Variants in ST3GAL4 observed in about 807,000 individuals in gnomAD.
The protein encoded by ST3GAL4 is ST3 beta-galactoside alpha-2,3-sialyltransferase 4, also known as CMP-N-acetylneuraminate-beta-galactosamide-alpha-2,3-sialyltransferase 4.
A neutral mutation model predicts 42.6 loss-of-function variants in ST3GAL4; 24 were observed. The observed-to-expected ratio is 0.56, with a 90% confidence interval of 0.41 to 0.79. ST3GAL4 has a LOEUF of 0.79. Among genes scored for constraint, ST3GAL4 ranks in the 30% least tolerant of loss-of-function variants. ST3GAL4 has a pLI of 0.00. For synonymous variants in ST3GAL4, 135 were observed against 163.2 expected, an observed-to-expected ratio of 0.83 and a Z score of 1.32; for missense variants, 311 against 430.8, an observed-to-expected ratio of 0.72 and a Z score of 2.46.
At chr11:126,390,786 C>G (rs1339210997) in intron 1 of ST3GAL4, among the ~76,000 whole-genome samples, 4 of 152,062 alleles carry the variant, frequency 2.6e-5, no homozygotes, top group Admixed American at 6.6e-5. Context: ...ATCCATCTCC[C>G]GAACTCTCTT....
chr11:126,388,839 C>T (rs1027631379), intron 1 of ST3GAL4, among the ~76,000 whole-genome samples: 6 of 133,362 alleles, frequency 4.5e-5, no homozygotes, highest in Middle Eastern at 4.7e-3. Context: ...TGCAATGACA[C>T]GATCTTGGCT....
At chr11:126,364,133 G>A (rs4055110) in intron 1 of ST3GAL4, among the ~76,000 whole-genome samples, 17 of 152,244 alleles carry the variant, frequency 1.1e-4, no homozygotes, top group African/African-American at 3.6e-4. Flanking sequence ...AAGGCAGAGG[G>A]AATGGGGAAC....
intron 1 of ST3GAL4, among the ~76,000 whole-genome samples, chr11:126,388,459 T>C (rs1953320095): frequency 6.6e-6 from 1 of 151,808 alleles, no homozygotes; most frequent in Admixed American, 6.6e-5. Context: ...GCCTCCTAAG[T>C]AGCTGGGATT....
chr11:126,401,679 G>A (rs530594069), intron 1 of ST3GAL4, among the ~76,000 whole-genome samples: 36 of 152,276 alleles, frequency 2.4e-4, no homozygotes, highest in African/African-American at 7.9e-4. Context: ...CAAGGAGGAG[G>A]CATGGCCAAC....
rs1194858613 is a variant in ST3GAL4 at position 126,413,655 on chromosome 11, G to T, written c.915+7G>T. On this transcript the variant is annotated splice_region_variant and intron_variant, in intron 10 of 10. Transcript: ENST00000444328. ...CACGCTCAAGTCCATGGCGGTAAGT[G>T]CCTGGCTTGTGAGCATGGTGGGCCA... The T allele has an allele frequency of 1.9e-6, 3 of 1,613,822 alleles. No individual in the cohort carries two copies. In the South Asian group the frequency reaches 3.3e-5, roughly 18 times the overall value.
chr11:126,389,517 T>C (rs1953385854), intron 1 of ST3GAL4, among the ~76,000 whole-genome samples: 1 of 152,228 alleles, frequency 6.6e-6, no homozygotes, highest in African/African-American at 2.4e-5. Flanking sequence ...TAATGTTGTT[T>C]TTGGACGCAT....
rs1953951033 is a variant in ST3GAL4, at chr11:126,400,408, A to G, written c.-60-5688A>G. 6.6e-6 allele frequency among the ~76,000 whole-genome samples: 1 copy of G among 152,220 alleles called. No individual in the cohort carries two copies. The highest frequency in any genetic ancestry group is 1.5e-5 in the Non-Finnish European group (1 of 68,044). ...CCCTGCTTATACTGTTGCACTGGGG[A>G]TCAAGTTGCAGCACTTGGACTTCGG... On this transcript the variant is annotated intron_variant, in intron 1 of 10. Transcript: ENST00000444328. The surrounding 1 kb of genome is among the most constrained non-coding windows in gnomAD (Gnocchi z 4.6).
In ST3GAL4 at chr11:126,363,686, A is replaced by C. The variant is rs928516799; in HGVS notation, c.-61+7844A>C. On this transcript the variant is annotated intron_variant, in intron 1 of 10. Coordinates refer to ENST00000444328, the MANE Select transcript of ST3GAL4 (RefSeq NM_001254757.2). The surrounding 1 kb of genome is among the most constrained non-coding windows in gnomAD (Gnocchi z 4.6). ...TCTTTCTGGGGCCTCAGGGTCTCCA[A>C]AGATGGGCTGACTAAGCTTCCCTAG... Among the ~76,000 whole-genome samples, 2 of 152,156 alleles carry C rather than the reference A, an allele frequency of 1.3e-5. No individual in the cohort carries two copies. Among genetic ancestry groups the C allele is most frequent in the Non-Finnish European group, 2.9e-5 (2 of 68,032 alleles).
At chr11:126,388,431 A>C (rs1406582346) in intron 1 of ST3GAL4, among the ~76,000 whole-genome samples, 1 of 151,770 alleles carries the variant, frequency 6.6e-6, no homozygotes, top group East Asian at 1.9e-4. Flanking sequence ...CCTGGGTTCA[A>C]GCGATTCTTC....
Position 126,384,888 on chromosome 11 carries a change from A to T in ST3GAL4, c.-60-21208A>T, listed in dbSNP as rs1953161206. ...GTAGTGGTGGGGGCAGTGGCTGAGG[A>T]CCCCTCTCTTTGCTGGGCTGGGACA... On this transcript the variant is annotated intron_variant, in intron 1 of 10. Transcript: ENST00000444328. The surrounding 1 kb of genome is among the most constrained non-coding windows in gnomAD (Gnocchi z 5.5). The T allele has an allele frequency of 5.1e-6, 5 of 985,080 alleles. No homozygotes were observed. In the South Asian group the frequency reaches 1.9e-4, roughly 37 times the overall value. The allele number at this position is 985,080 out of a possible 1,614,324, so 61.0% of individuals were successfully genotyped here. A position where few individuals can be genotyped will look rare whatever the true frequency, so the allele number is the denominator to read the frequency against.
chr11:126,369,265 G>A (rs1415942499), intron 1 of ST3GAL4, among the ~76,000 whole-genome samples: 2 of 151,854 alleles, frequency 1.3e-5, no homozygotes, highest in Non-Finnish European at 2.9e-5. Flanking sequence ...TTGGGGGGGG[G>A]AGGCAGAGTT....
chr11:126,409,197 A>G lies in ST3GAL4; in HGVS notation c.628-71A>G. On this transcript the variant is annotated intron_variant, in intron 8 of 10. Transcript: ENST00000444328. The surrounding 1 kb of genome is among the most constrained non-coding windows in gnomAD (Gnocchi z 4.9). ...CTTGGACCCCCTCGCCTCGCTGAGGACCACTGGGTTGGATTTGAGAAACAG... is the reference window on the plus strand; with the variant it reads ...CTTGGACCCCCTCGCCTCGCTGAGGGCCACTGGGTTGGATTTGAGAAACAG... 1.3e-6 allele frequency: 2 copies of G among 1,586,634 alleles called. No homozygotes were observed. Among genetic ancestry groups the G allele is most frequent in the Admixed American group, 3.4e-5 (2 of 58,920 alleles).
At chr11:126,407,066 G>A (rs376460846) in intron 4 of ST3GAL4, 43 bp downstream of exon 4, 25 of 1,585,816 alleles carry the variant, frequency 1.6e-5, no homozygotes, top group South Asian at 2.2e-5. Flanking sequence ...GGCATGGAGC[G>A]AGCTGGGATT....
chr11:126,406,288 C>G lies in ST3GAL4; in HGVS notation c.16+117C>G. 2 of 1,545,290 alleles carry G rather than the reference C, an allele frequency of 1.3e-6. No individual in the cohort carries two copies. Among genetic ancestry groups the G allele is most frequent in the Non-Finnish European group, 1.7e-6 (2 of 1,144,604 alleles). Reference sequence around the variant, plus strand: ...GACAGACAGGGAGCCAGGGGCCCTTCTCTTCATCTTGAAGGACAGTGGGTA... The same window carrying G: ...GACAGACAGGGAGCCAGGGGCCCTTGTCTTCATCTTGAAGGACAGTGGGTA... On this transcript the variant is annotated intron_variant, in intron 2 of 10. Coordinates refer to ENST00000444328, the MANE Select transcript of ST3GAL4 (RefSeq NM_001254757.2). This position sits in a 1 kb window ranked among gnomAD's most constrained non-coding sequence, Gnocchi z 5.4.
chr11:126,396,774 C>T lies in ST3GAL4; in HGVS notation c.-60-9322C>T. ...CAGAATTCCAGTGCCAGCTCCACTC[C>T]TCACGAGCTGTACAACCTGGGCCGG... On this transcript the variant is annotated intron_variant, in intron 1 of 10. Coordinates refer to ENST00000444328, the MANE Select transcript of ST3GAL4 (RefSeq NM_001254757.2). The surrounding 1 kb of genome is among the most constrained non-coding windows in gnomAD (Gnocchi z 5.8). Among the ~76,000 whole-genome samples the T allele has an allele frequency of 6.6e-6, 1 of 150,616 alleles. No individual in the cohort carries two copies. The highest frequency in any genetic ancestry group is 1.5e-5 in the Non-Finnish European group (1 of 67,744).
At chr11:126,394,537 A>G (rs1441490519) in intron 1 of ST3GAL4, among the ~76,000 whole-genome samples, 1 of 152,020 alleles carries the variant, frequency 6.6e-6, no homozygotes, top group African/African-American at 2.4e-5. Context: ...TGATCCTCCC[A>G]CCTCAGCCTC....
chr11:126,398,414 A>C lies in ST3GAL4; in HGVS notation c.-60-7682A>C, dbSNP rs927171462. 2.0e-5 allele frequency among the ~76,000 whole-genome samples: 3 copies of C among 152,230 alleles called. No individual in the cohort carries two copies. Among genetic ancestry groups the C allele is most frequent in the African/African-American group, 7.2e-5 (3 of 41,468 alleles). ...ACTCGGGTAGGGACTTGGGCCCCCA[A>C]GGCCTCCGGCAGCCCTGCTTCCCTG... On this transcript the variant is annotated intron_variant, in intron 1 of 10. Coordinates refer to ENST00000444328, the MANE Select transcript of ST3GAL4 (RefSeq NM_001254757.2). The surrounding 1 kb of genome is among the most constrained non-coding windows in gnomAD (Gnocchi z 4.7).
At chr11:126,377,030 T>G (rs1366558685) in intron 1 of ST3GAL4, 1 of 152,366 alleles carries the variant, frequency 6.6e-6, no homozygotes, top group African/African-American at 2.4e-5. Context: ...GAAAAATTCC[T>G]CTGAGCAAAG....
At chr11:126,361,030 C>G (rs1952224591) in intron 1 of ST3GAL4, among the ~76,000 whole-genome samples, 1 of 152,160 alleles carries the variant, frequency 6.6e-6, no homozygotes, top group Non-Finnish European at 1.5e-5. Flanking sequence ...GGAGCTTGTC[C>G]CCTGAGGAGT....
Sources: gnomAD v4.1 joint callset for allele counts (sites outside exome capture counted in the v4.1 genomes callset) on GRCh38, gnomAD v4.1.1 for gene constraint, Gnocchi (gnomAD v3.1) non-coding constraint, MANE v1.5 for transcripts, NCBI Gene and HGNC (gene_info 2026-07-23, HGNC 2026-07-21) for gene names.